The following ERC2 variants were observed in gnomAD, a reference collection of about 807,000 sequenced individuals.
ERC2 encodes the protein ELKS/RAB6-interacting/CAST family member 2.
ERC2 carries 42 observed loss-of-function variants against 114.8 expected under a neutral mutation model. That is an observed-to-expected ratio of 0.37 (90% confidence interval 0.29 to 0.47). ERC2 has a LOEUF of 0.47. ERC2 is among the 20% of genes least tolerant of loss of function. The pLI, the probability that ERC2 is intolerant of heterozygous loss-of-function variation, is 0.99. For synonymous variants in ERC2, 454 were observed against 425.5 expected, an observed-to-expected ratio of 1.07 and a Z score of -0.82; for missense variants, 939 against 1,150.7, an observed-to-expected ratio of 0.82 and a Z score of 2.66.
At chr3:56,227,997 T>C (rs1199750866) in intron 3 of ERC2, among the ~76,000 whole-genome samples, 1 of 152,118 alleles carries the variant, frequency 6.6e-6, no homozygotes, top group African/African-American at 2.4e-5. Flanking sequence ...GACATGACCA[T>C]GAGAGAAGAA....
chr3:55,668,830 A>C (rs972122662), intron 17 of ERC2, among the ~76,000 whole-genome samples: 6 of 152,220 alleles, frequency 3.9e-5, no homozygotes, highest in Non-Finnish European at 7.3e-5. Flanking sequence ...ATGAGTAAGA[A>C]TATACTTAAC....
intron 3 of ERC2, among the ~76,000 whole-genome samples, chr3:56,204,106 T>C (rs145461753): frequency 1.8e-3 from 275 of 152,262 alleles, no homozygotes; most frequent in South Asian, 0.018. Context: ...AGATAATTGC[T>C]TGAACACAGG....
At chr3:55,743,630 A>C (rs963872640) in intron 14 of ERC2, among the ~76,000 whole-genome samples, 1 of 151,802 alleles carries the variant, frequency 6.6e-6, no homozygotes, top group African/African-American at 2.4e-5. Context: ...AGAAAAAAAG[A>C]AAATACTTCT....
At chr3:56,142,370 A>C in intron 5 of ERC2, among the ~76,000 whole-genome samples, 1 of 152,162 alleles carries the variant, frequency 6.6e-6, no homozygotes, top group East Asian at 1.9e-4. Flanking sequence ...GACACATGTC[A>C]AGTTAAGTAT....
chr3:56,407,049 A>G (rs2107047954), intron 2 of ERC2, among the ~76,000 whole-genome samples: 1 of 152,294 alleles, frequency 6.6e-6, no homozygotes, highest in South Asian at 2.1e-4. Flanking sequence ...TAAGACAGAC[A>G]GGATAAGTGT....
At chr3:56,088,498 A>T (rs564900818) in intron 6 of ERC2, among the ~76,000 whole-genome samples, 1 of 152,228 alleles carries the variant, frequency 6.6e-6, no homozygotes, top group South Asian at 2.1e-4. Context: ...CCAAAGACAG[A>T]GCTAAGAGGA....
intron 17 of ERC2, among the ~76,000 whole-genome samples, chr3:55,643,513 A>G (rs1051204818): frequency 1.3e-5 from 2 of 152,088 alleles, no homozygotes; most frequent in Non-Finnish European, 2.9e-5. Flanking sequence ...CAAATTCCTT[A>G]TTAGGGTTAC....
At chr3:56,366,390 G>A (rs751660835) in intron 2 of ERC2, among the ~76,000 whole-genome samples, 9 of 151,440 alleles carry the variant, frequency 5.9e-5, no homozygotes, top group Non-Finnish European at 1.3e-4. Flanking sequence ...CAGTTAACCC[G>A]GACACCCCCC....
chr3:55,723,183 T>C (rs927337521), intron 15 of ERC2, among the ~76,000 whole-genome samples: 1 of 152,220 alleles, frequency 6.6e-6, no homozygotes, highest in African/African-American at 2.4e-5. Flanking sequence ...AAATATTAAA[T>C]GTTTAAAAGG....
At chr3:56,275,319 G>A (rs377534010) in intron 3 of ERC2, among the ~76,000 whole-genome samples, 17 of 152,086 alleles carry the variant, frequency 1.1e-4, no homozygotes, top group African/African-American at 1.9e-4. Flanking sequence ...AGTGTAGTAC[G>A]GCCAATGAAA....
chr3:56,113,953 G>A (rs940734185), intron 6 of ERC2, among the ~76,000 whole-genome samples: 1 of 152,172 alleles, frequency 6.6e-6, no homozygotes, highest in Non-Finnish European at 1.5e-5. Context: ...TTAGAGAGGA[G>A]AGCTTTATTT....
At chr3:55,570,112 C>T (rs1314199120) in intron 17 of ERC2, among the ~76,000 whole-genome samples, 5 of 151,920 alleles carry the variant, frequency 3.3e-5, no homozygotes, top group Admixed American at 6.6e-5. Context: ...TGCCTGCCTC[C>T]GCCTCCCAAA....
In ERC2 at chr3:56,103,743, G is replaced by GTATCTATCTATCTATC. The variant is rs58839474; in HGVS notation, c.1474-22775_1474-22760dup. 4.8e-4 allele frequency among the ~76,000 whole-genome samples: 72 copies of GTATCTATCTATCTATC among 149,162 alleles called. 1 individual carries two copies. The highest frequency in any genetic ancestry group is 5.2e-4 in the Non-Finnish European group (35 of 67,284). On this transcript the variant is annotated intron_variant, in intron 6 of 17. Coordinates refer to ENST00000288221, the MANE Select transcript of ERC2 (RefSeq NM_015576.3). ...ATAATTTAACAAAAAAACTAGAAGT[G>GTATCTATCTATCTATC]TATCTATCTATCTATCTATCTATCT...
chr3:56,039,403 G>C (rs1187696596), intron 7 of ERC2, among the ~76,000 whole-genome samples: 1 of 152,058 alleles, frequency 6.6e-6, no homozygotes, highest in Non-Finnish European at 1.5e-5. Flanking sequence ...ATTTACAATA[G>C]CTTCAAGACA....
intron 2 of ERC2, among the ~76,000 whole-genome samples, chr3:56,389,373 G>A (rs1227233350): frequency 6.6e-6 from 1 of 152,182 alleles, no homozygotes; most frequent in East Asian, 1.9e-4. Flanking sequence ...ACAAGAGTCA[G>A]TGTCACAGAA....
At chr3:56,223,752 T>C (rs1560411053) in intron 3 of ERC2, among the ~76,000 whole-genome samples, 1 of 152,182 alleles carries the variant, frequency 6.6e-6, no homozygotes, top group African/African-American at 2.4e-5. Flanking sequence ...CATTTTATCT[T>C]AGGATCCTTA....
At chr3:56,028,858 A>G (rs2074207272) in intron 7 of ERC2, among the ~76,000 whole-genome samples, 1 of 152,066 alleles carries the variant, frequency 6.6e-6, no homozygotes, top group Non-Finnish European at 1.5e-5. Context: ...CAATAGTGAG[A>G]ATAGGCATCT....
intron 2 of ERC2, among the ~76,000 whole-genome samples, chr3:56,389,404 C>G (rs2060048833): frequency 6.6e-6 from 1 of 152,164 alleles, no homozygotes; most frequent in African/African-American, 2.4e-5. Context: ...AAAGCAGTGC[C>G]TACGATTTCC....
chr3:55,516,123 T>C (rs1212969001), intron 17 of ERC2, among the ~76,000 whole-genome samples: 3 of 152,054 alleles, frequency 2.0e-5, no homozygotes, highest in African/African-American at 4.8e-5. Flanking sequence ...AAGCCCCTGA[T>C]AGACTAATTA....
Sources: allele counts gnomAD v4.1 joint callset (sites outside exome capture counted in the v4.1 genomes callset), GRCh38; gene constraint gnomAD v4.1.1; transcripts MANE v1.5; gene names NCBI Gene and HGNC (gene_info 2026-07-23, HGNC 2026-07-21).